The following CHST15 variants were observed in gnomAD, a reference collection of about 807,000 sequenced individuals.
The protein encoded by CHST15 is B cell RAG associated protein (GALNAC4S-6ST).
CHST15 carries 30 observed loss-of-function variants against 53.6 expected under a neutral mutation model. That is an observed-to-expected ratio of 0.56 (90% CI 0.42 to 0.76). The LOEUF (loss-of-function observed/expected upper bound fraction) is 0.76, where lower values mean the gene tolerates loss of function less well. Ranked by LOEUF, CHST15 falls within the 30% of genes least tolerant of loss-of-function variation. The pLI is 0.00. For missense variants in CHST15, 627 were observed against 740.5 expected (o/e 0.85, Z 1.78); for synonymous variants, 296 against 289.8 (o/e 1.02, Z -0.22).
At chr10:124,077,873 G>T (rs1235908337) in intron 1 of CHST15, among the ~76,000 whole-genome samples, 2 of 152,182 alleles carry the variant, frequency 1.3e-5, no homozygotes, top group Admixed American at 6.5e-5. Context: ...ACTACATGGG[G>T]ATTCTGCCTC....
chr10:124,044,096 A>C (rs549720795), intron 3 of CHST15, among the ~76,000 whole-genome samples: 1 of 149,618 alleles, frequency 6.7e-6, no homozygotes, highest in Non-Finnish European at 1.5e-5. Flanking sequence ...GGCACAGAGC[A>C]GGGAACGGCA....
chr10:124,057,891 G>A (rs1399873614), intron 1 of CHST15, among the ~76,000 whole-genome samples: 2 of 151,918 alleles, frequency 1.3e-5, no homozygotes, highest in Admixed American at 6.6e-5. Flanking sequence ...CAGTCTCTCT[G>A]AAATGCACAA....
rs570218984 is a variant in CHST15, at chr10:124,010,976, G to A, written c.1496-637C>T. 275 of 985,348 alleles carry A rather than the reference G, an allele frequency of 2.8e-4. No homozygotes were observed. The Middle Eastern group carries it at 6.3e-3, about 22-fold the overall frequency. 61.0% of individuals were successfully genotyped at this position (985,348 alleles called of 1,614,324 possible). ...CAGTCACCCCCACGCCCCGCCCTCT[G>A]GAGTGAGGCGAGGCCCTGGAACAGG... On this transcript the variant is annotated intron_variant, in intron 7 of 7. Transcript: ENST00000435907.
chr10:124,009,720 A>C lies in CHST15; in HGVS notation c.*429T>G. The C allele has an allele frequency of 9.8e-7, 1 of 1,024,340 alleles. No homozygotes were observed. Among genetic ancestry groups the C allele is most frequent in the Non-Finnish European group, 1.2e-6 (1 of 852,882 alleles). 63.5% of individuals were successfully genotyped at this position (1,024,340 alleles called of 1,614,324 possible). On this transcript the variant is annotated 3_prime_UTR_variant, in exon 8 of 8. Transcript: ENST00000435907. ...AGACCCCATCTCTAGGGGGAAAAAA[A>C]GGGAACGTGAAGTGTAAGTTCCAGC... is the stretch of plus-strand genomic sequence containing the variant.
At chr10:124,020,477 C>T in intron 6 of CHST15, 2 of 985,532 alleles carry the variant, frequency 2.0e-6, no homozygotes, top group Non-Finnish European at 1.2e-6. Context: ...GATCCCACGG[C>T]CTCTGTAGTA....
intron 2 of CHST15, 88 bp downstream of exon 2, chr10:124,045,579 T>C: frequency 7.6e-7 from 1 of 1,320,478 alleles, no homozygotes; most frequent in Non-Finnish European, 1.0e-6. Flanking sequence ...GTCATTTTCC[T>C]TCTGTGTTCC....
At chr10:124,082,496 G>C (rs1487893612) in intron 1 of CHST15, among the ~76,000 whole-genome samples, 1 of 152,190 alleles carries the variant, frequency 6.6e-6, no homozygotes, top group Non-Finnish European at 1.5e-5. Context: ...GCCTTTTCTA[G>C]GGCCAGGGAA....
At position 124,065,927 on chromosome 10, in the gene CHST15, A is replaced by C. The variant is rs552947326; in HGVS notation, c.-512-19203T>G. The stretch of plus-strand genomic sequence containing the variant: ...CAGGACAAAAAAGAAGGGGGAAAAA[A>C]ATCCCTCCTCCCTTTTGGATCATTT... On this transcript the variant is annotated intron_variant, in intron 1 of 7. Coordinates refer to ENST00000435907, the MANE Select transcript of CHST15 (RefSeq NM_001270764.2). 3.3e-5 allele frequency among the ~76,000 whole-genome samples: 5 copies of C among 152,304 alleles called. No individual in the cohort carries two copies. In the South Asian group the frequency reaches 1.0e-3, roughly 32 times the overall value.
At chr10:124,076,366 G>A (rs997733101) in intron 1 of CHST15, among the ~76,000 whole-genome samples, 7 of 152,192 alleles carry the variant, frequency 4.6e-5, no homozygotes, top group Non-Finnish European at 5.9e-5. Context: ...TTCCCGATGC[G>A]TGGAGACTGA....
intron 1 of CHST15, among the ~76,000 whole-genome samples, chr10:124,055,300 C>G (rs1948338874): frequency 6.6e-6 from 1 of 152,100 alleles, no homozygotes; most frequent in South Asian, 2.1e-4. Context: ...TGTTTGTCTG[C>G]CTGGTGTCAA....
At chr10:124,068,906 G>C (rs558561060) in intron 1 of CHST15, among the ~76,000 whole-genome samples, 1 of 152,314 alleles carries the variant, frequency 6.6e-6, no homozygotes, top group Admixed American at 6.5e-5. Context: ...TTTTACTTTA[G>C]AATGTTCCAC....
At chr10:124,020,777 T>C in intron 6 of CHST15, 1 of 1,088,454 alleles carries the variant, frequency 9.2e-7, no homozygotes. Flanking sequence ...GACATAGTTC[T>C]GAAGGAAGAA....
rs1321676874 is a variant in CHST15, at chr10:124,036,202, G to C, written c.1190+2313C>G. On this transcript the variant is annotated intron_variant, in intron 5 of 7. Transcript: ENST00000435907. This position sits in a 1 kb window ranked among gnomAD's most constrained non-coding sequence, Gnocchi z 5.1. ...GGGGGCGGCGAGGGGTCAGCTCGAG[G>C]TGACAGTTATGTCACCATGAGAGCT... is the stretch of plus-strand genomic sequence containing the variant. Among the ~76,000 whole-genome samples the C allele has an allele frequency of 6.6e-6, 1 of 152,326 alleles. No individual in the cohort carries two copies. Among genetic ancestry groups the C allele is most frequent in the East Asian group, 1.9e-4 (1 of 5,174 alleles).
chr10:124,084,239 T>G (rs1949345298), intron 1 of CHST15, among the ~76,000 whole-genome samples: 1 of 152,120 alleles, frequency 6.6e-6, no homozygotes, highest in African/African-American at 2.4e-5. Context: ...TACCTGCCTC[T>G]CGGGGAGTCA....
chr10:124,082,644 G>A (rs1949284529), intron 1 of CHST15, among the ~76,000 whole-genome samples: 1 of 152,222 alleles, frequency 6.6e-6, no homozygotes, highest in African/African-American at 2.4e-5. Flanking sequence ...TCATTCATAA[G>A]AGCCAAAGGT....
chr10:124,072,022 C>T (rs2134163399), intron 1 of CHST15, among the ~76,000 whole-genome samples: 1 of 152,266 alleles, frequency 6.6e-6, no homozygotes, highest in South Asian at 2.1e-4. Flanking sequence ...TCTCCTTACC[C>T]AGCCTCTCAT....
Position 124,038,535 on chromosome 10 carries a change from C to T in CHST15, c.1170G>A (p.Met390Ile). The T allele has an allele frequency of 1.2e-6, 2 of 1,614,266 alleles. No homozygotes were observed. Among genetic ancestry groups the T allele is most frequent in the Non-Finnish European group, 1.7e-6 (2 of 1,180,052 alleles). ...CTCACCTCTCCACAGGGTCCCTGAG[C>T]ATGACAATCAGTCTGGCATTTGGCT... is the stretch of plus-strand genomic sequence containing the variant. ...AFQPNARLIV[M>I]LRDPVERLYS... Residue 390 changes from methionine to isoleucine, a missense_variant, in exon 5 of 8, where the codon ATG (methionine) becomes ATA (isoleucine). Transcript: ENST00000435907.
intron 1 of CHST15, among the ~76,000 whole-genome samples, chr10:124,090,850 T>C (rs1328941637): frequency 6.6e-6 from 1 of 152,134 alleles, no homozygotes; most frequent in Non-Finnish European, 1.5e-5. Context: ...CTGGACAATA[T>C]CCTGGATGAA....
At chr10:124,080,947 T>C (rs1035497116) in intron 1 of CHST15, among the ~76,000 whole-genome samples, 6 of 152,210 alleles carry the variant, frequency 3.9e-5, no homozygotes, top group African/African-American at 1.4e-4. Context: ...ACAGATAACC[T>C]TCCAGTGGCA....
Sources: gnomAD v4.1 joint callset for allele counts (sites outside exome capture counted in the v4.1 genomes callset) on GRCh38, gnomAD v4.1.1 for gene constraint, Gnocchi (gnomAD v3.1) non-coding constraint, MANE v1.5 for transcripts, NCBI Gene and HGNC (gene_info 2026-07-23, HGNC 2026-07-21) for gene names.